The following ZNF346 variants were observed in gnomAD, a reference collection of about 807,000 sequenced individuals.
The protein encoded by ZNF346 is zinc finger protein 346.
ZNF346 carries 23 observed loss-of-function variants against 33.7 expected under a neutral mutation model. That is an observed-to-expected ratio of 0.68 (90% confidence interval 0.49 to 0.97). The LOEUF is 0.97. Ranked by LOEUF, ZNF346 falls within the 50% of genes least tolerant of loss-of-function variation. ZNF346 has a pLI of 0.00. For synonymous variants in ZNF346, 134 were observed against 142.4 expected (o/e 0.94, Z 0.42); for missense variants, 340 against 371.1 (o/e 0.92, Z 0.69).
At chr5:177,058,293 G>A (rs998287746) in intron 5 of ZNF346, among the ~76,000 whole-genome samples, 8 of 151,696 alleles carry the variant, frequency 5.3e-5, no homozygotes, top group African/African-American at 1.9e-4. Flanking sequence ...TCAACATGGA[G>A]AAACCCCGTG....
chr5:177,042,595 A>G (rs1581856333), intron 3 of ZNF346, among the ~76,000 whole-genome samples: 1 of 152,236 alleles, frequency 6.6e-6, no homozygotes, highest in South Asian at 2.1e-4. Context: ...AGTTTACTCT[A>G]TAGACTGCTA....
intron 5 of ZNF346, among the ~76,000 whole-genome samples, chr5:177,056,861 G>A (rs1038759118): frequency 2.0e-5 from 3 of 152,106 alleles, no homozygotes; most frequent in Non-Finnish European, 4.4e-5. Context: ...ATATGTATAC[G>A]TGTGTAACAA....
intron 8 of ZNF346, among the ~76,000 whole-genome samples, chr5:177,073,186 C>G (rs967280735): frequency 6.6e-6 from 1 of 152,216 alleles, no homozygotes; most frequent in African/African-American, 2.4e-5. Flanking sequence ...TGGTCCCTAG[C>G]ATAGGACTGT....
downstream of ZNF346, among the ~76,000 whole-genome samples, chr5:177,071,236 T>C (rs1166282448): frequency 6.6e-6 from 1 of 151,828 alleles, no homozygotes; most frequent in Non-Finnish European, 1.5e-5. Flanking sequence ...ACAGGTAGAG[T>C]TTCCTCCCAG....
chr5:177,056,442 A>C (rs1334508002), intron 5 of ZNF346, among the ~76,000 whole-genome samples: 1 of 152,206 alleles, frequency 6.6e-6, no homozygotes, highest in African/African-American at 2.4e-5. Flanking sequence ...AAGGATTATA[A>C]ATCATACAGC....
chr5:177,069,452 C>A (rs1465345319), downstream of ZNF346, among the ~76,000 whole-genome samples: 38 of 143,228 alleles, frequency 2.7e-4, no homozygotes, highest in Middle Eastern at 3.6e-3. Context: ...GACTCTGTCT[C>A]AAAAAAAAAA....
intron 1 of ZNF346, among the ~76,000 whole-genome samples, chr5:177,028,912 G>A (rs1057122484): frequency 2.6e-5 from 4 of 151,192 alleles, no homozygotes; most frequent in African/African-American, 9.7e-5. Context: ...GTAGAGACGG[G>A]GTTTCACCAT....
chr5:177,035,748 G>A (rs1218190359), intron 1 of ZNF346, among the ~76,000 whole-genome samples: 1 of 101,478 alleles, frequency 9.9e-6, no homozygotes, highest in East Asian at 3.1e-4. Context: ...CGATTCTCCT[G>A]CCTCAGCCTC....
At chr5:177,075,020 C>T (rs353480) in intron 8 of ZNF346, among the ~76,000 whole-genome samples, 2 of 145,922 alleles carry the variant, frequency 1.4e-5, no homozygotes, top group Non-Finnish European at 1.5e-5. Context: ...GAGCCGAGAT[C>T]GCGCCAGTGC....
At chr5:177,052,777 T>C (rs1357770775) in intron 5 of ZNF346, 1 of 152,214 alleles carries the variant, frequency 6.6e-6, no homozygotes, top group Non-Finnish European at 1.5e-5. Context: ...CAACTTCCTA[T>C]GGTTCAGCTT....
At chr5:177,032,007 T>C (rs907125641) in intron 1 of ZNF346, among the ~76,000 whole-genome samples, 30 of 110,142 alleles carry the variant, frequency 2.7e-4, no homozygotes, top group African/African-American at 5.0e-4. Flanking sequence ...TCTTTTTTTT[T>C]TTTTTTTTTT....
intron 3 of ZNF346, among the ~76,000 whole-genome samples, chr5:177,042,952 G>A (rs9686467): frequency 0.14 from 21,404 of 152,062 alleles, 3,195 homozygotes; most frequent in African/African-American, 0.38. Context: ...CCTGGGTTCA[G>A]GCGATTCCCC....
At chr5:177,070,852 A>G (rs2149717416), downstream of ZNF346, among the ~76,000 whole-genome samples, 1 of 151,198 alleles carries the variant, frequency 6.6e-6, no homozygotes, top group East Asian at 2.0e-4. Context: ...GTCACCCTCC[A>G]CTACTGGGGA....
downstream of ZNF346, among the ~76,000 whole-genome samples, chr5:177,069,941 C>T (rs184101147): frequency 3.3e-5 from 5 of 152,300 alleles, no homozygotes; most frequent in East Asian, 9.6e-4. Context: ...GGATTACAAG[C>T]GTGAGCCACC....
intron 5 of ZNF346, among the ~76,000 whole-genome samples, chr5:177,058,881 C>G (rs903876467): frequency 1.3e-5 from 2 of 152,176 alleles, no homozygotes; most frequent in African/African-American, 4.8e-5. Context: ...GACAAGGATT[C>G]TACCTTAGCA....
At chr5:177,044,654 G>GGGTTCTCAAAAGC in intron 4 of ZNF346, 121 bp downstream of exon 4, 1 of 1,096,542 alleles carries the variant, frequency 9.1e-7, no homozygotes, top group Non-Finnish European at 1.3e-6. Context: ...TTGCTTTTGA[G>GGGTTCTCAAAAGC]AACCCTTAAA....
chr5:177,043,757 C>T (rs898637341), intron 3 of ZNF346, among the ~76,000 whole-genome samples: 1 of 151,446 alleles, frequency 6.6e-6, no homozygotes, highest in Non-Finnish European at 1.5e-5. Context: ...GAGTGAGACC[C>T]TGTCTTAAAA....
chr5:177,075,835 C>A (rs1206649472), intron 8 of ZNF346, among the ~76,000 whole-genome samples: 1 of 152,100 alleles, frequency 6.6e-6, no homozygotes, highest in East Asian at 1.9e-4. Flanking sequence ...TACAGGCACC[C>A]GCCACCACGC....
chr5:177,029,433 C>G (rs992901277), intron 1 of ZNF346, among the ~76,000 whole-genome samples: 57 of 152,128 alleles, frequency 3.7e-4, no homozygotes, highest in Non-Finnish European at 7.3e-5. Flanking sequence ...TTAGGTTGGC[C>G]TGACCCAGTG....
Sources: allele counts gnomAD v4.1 joint callset (sites outside exome capture counted in the v4.1 genomes callset), GRCh38; gene constraint gnomAD v4.1.1; transcripts MANE v1.5; gene names NCBI Gene and HGNC (gene_info 2026-07-23, HGNC 2026-07-21).